Variants in SAMD12 observed in about 807,000 individuals in gnomAD.
SAMD12 encodes the protein sterile alpha motif domain containing 12.
In SAMD12, 9 loss-of-function variants were observed where a neutral mutation model predicts 15.0. The ratio of observed to expected loss-of-function variants is 0.60; its 90% CI spans 0.36 to 1.05. SAMD12 has a LOEUF of 1.05. Among genes scored for constraint, SAMD12 ranks in the 50% least tolerant of loss-of-function variants. SAMD12 has a pLI of 0.01. For synonymous variants in SAMD12, 86 were observed against 90.1 expected (o/e 0.96, Z 0.25); for missense variants, 230 against 234.2 (o/e 0.98, Z 0.12).
intron 2 of SAMD12, among the ~76,000 whole-genome samples, chr8:118,568,627 C>T (rs1023172465): frequency 3.9e-5 from 6 of 152,054 alleles, no homozygotes; most frequent in Admixed American, 3.9e-4. Context: ...AAAAAATCAC[C>T]TTGTACAATC....
At chr8:118,160,993 C>T in the SAMD12 span, among the ~76,000 whole-genome samples, 16 of 152,094 alleles carry the variant, frequency 1.1e-4, no homozygotes, top group African/African-American at 3.1e-4. Context: ...CCTTCCTGTG[C>T]CCATGTGTTC....
At chr8:118,154,184 A>C in the SAMD12 span, among the ~76,000 whole-genome samples, 1 of 151,922 alleles carries the variant, frequency 6.6e-6, no homozygotes, top group Non-Finnish European at 1.5e-5. Flanking sequence ...ACAATAAAGA[A>C]TAATGCCAAA....
intron 4 of SAMD12, among the ~76,000 whole-genome samples, chr8:118,275,549 A>G (rs185898803): frequency 3.9e-5 from 6 of 152,300 alleles, no homozygotes; most frequent in Admixed American, 2.6e-4. Flanking sequence ...TGCTTTTTTA[A>G]AAAAGTAATT....
chr8:118,162,159 C>CAA, the SAMD12 span, among the ~76,000 whole-genome samples: 11 of 140,190 alleles, frequency 7.8e-5, no homozygotes, highest in African/African-American at 2.7e-4. Context: ...GACTCTGTCT[C>CAA]AAAAAAAAAA....
At chr8:118,280,137 G>A (rs979082941) in intron 4 of SAMD12, among the ~76,000 whole-genome samples, 1 of 152,152 alleles carries the variant, frequency 6.6e-6, no homozygotes, top group Non-Finnish European at 1.5e-5. Flanking sequence ...TACTGCAATT[G>A]CTCAGATAAA....
At chr8:118,322,988 A>G (rs1304778506) in intron 4 of SAMD12, among the ~76,000 whole-genome samples, 3 of 152,234 alleles carry the variant, frequency 2.0e-5, no homozygotes, top group African/African-American at 7.2e-5. Context: ...GGTGGGATTC[A>G]GGTCTTGCCA....
chr8:118,165,281 G>T, the SAMD12 span, among the ~76,000 whole-genome samples: 2 of 152,006 alleles, frequency 1.3e-5, no homozygotes, highest in African/African-American at 2.4e-5. Context: ...ACTTATGTTT[G>T]CCCATTTATT....
intron 2 of SAMD12, among the ~76,000 whole-genome samples, chr8:118,533,981 C>T (rs970328907): frequency 2.0e-5 from 3 of 152,148 alleles, no homozygotes; most frequent in African/African-American, 4.8e-5. Flanking sequence ...TTGATCCTGT[C>T]GTTATGATGT....
chr8:118,586,775 T>C (rs952574654), intron 1 of SAMD12, among the ~76,000 whole-genome samples: 3 of 152,224 alleles, frequency 2.0e-5, no homozygotes, highest in Admixed American at 6.5e-5. Context: ...TTTACAAATG[T>C]AGTGTGTAGC....
At chr8:118,405,487 G>A (rs1260334795) in intron 3 of SAMD12, among the ~76,000 whole-genome samples, 3 of 152,178 alleles carry the variant, frequency 2.0e-5, no homozygotes, top group Non-Finnish European at 4.4e-5. Flanking sequence ...CAGTGGCAGA[G>A]GTTAGAATAG....
rs1825774864 is a variant in SAMD12 at position 118,534,281 on chromosome 8, T to C, written c.192+46434A>G. Among the ~76,000 whole-genome samples the C allele has an allele frequency of 8.5e-5, 13 of 152,290 alleles. 1 individual carries two copies. The South Asian group carries it at 2.7e-3, about 32-fold the overall frequency. On this transcript the variant is annotated intron_variant, in intron 2 of 3. Transcript: ENST00000314727. ...TGTTGAATATTGGCCCCCACTCTCT[T>C]CTGGCTTGTAGAGTTTCTGCAGAGA...
At chr8:118,547,301 C>A (rs747869674) in intron 2 of SAMD12, among the ~76,000 whole-genome samples, 11 of 152,208 alleles carry the variant, frequency 7.2e-5, no homozygotes, top group Non-Finnish European at 1.5e-4. Flanking sequence ...ATGTCCATCG[C>A]CAATTTGTTG....
At chr8:118,560,573 T>G (rs1481815459) in intron 2 of SAMD12, among the ~76,000 whole-genome samples, 1 of 152,198 alleles carries the variant, frequency 6.6e-6, no homozygotes, top group Non-Finnish European at 1.5e-5. Flanking sequence ...AACTGAAAGC[T>G]AAAAACCTAG....
chr8:118,496,599 A>G (rs1384327268), intron 2 of SAMD12, among the ~76,000 whole-genome samples: 1 of 152,138 alleles, frequency 6.6e-6, no homozygotes, highest in Admixed American at 6.5e-5. Context: ...TAAATATAAA[A>G]CCTCAAACTA....
intron 4 of SAMD12, among the ~76,000 whole-genome samples, chr8:118,246,626 CATCAT>C (rs1476505986): frequency 1.3e-5 from 2 of 152,038 alleles, no homozygotes; most frequent in African/African-American, 4.8e-5. Flanking sequence ...GCAGAAAAAA[CATCAT>C]ATCATTTCAA....
the SAMD12 span, among the ~76,000 whole-genome samples, chr8:118,165,441 A>G: frequency 6.6e-6 from 1 of 151,766 alleles, no homozygotes; most frequent in East Asian, 1.9e-4. Context: ...TTTTTAGTAG[A>G]GACGGGGTTT....
At chr8:118,323,071 G>A (rs746236970) in intron 4 of SAMD12, among the ~76,000 whole-genome samples, 2 of 152,100 alleles carry the variant, frequency 1.3e-5, no homozygotes, top group Non-Finnish European at 2.9e-5. Flanking sequence ...GGCTGGAACG[G>A]CAAGGACTGG....
intron 1 of SAMD12, among the ~76,000 whole-genome samples, chr8:118,607,424 CG>C: frequency 6.6e-6 from 1 of 152,188 alleles, no homozygotes; most frequent in African/African-American, 2.4e-5. Context: ...TTAGTAGAGA[CG>C]GGGTTTCTCC....
intron 2 of SAMD12, among the ~76,000 whole-genome samples, chr8:118,452,104 G>T (rs575857816): frequency 1.3e-3 from 190 of 151,970 alleles, no homozygotes; most frequent in Non-Finnish European, 2.2e-3. Context: ...ACAGAGGGAG[G>T]GTGGCCTCTG....
Sources: gnomAD v4.1 joint callset for allele counts (sites outside exome capture counted in the v4.1 genomes callset) on GRCh38, gnomAD v4.1.1 for gene constraint, MANE v1.5 for transcripts, NCBI Gene and HGNC (gene_info 2026-07-23, HGNC 2026-07-21) for gene names.